Variants in FBXO38 observed in about 807,000 individuals in gnomAD.
FBXO38 encodes F-box protein 38.
In FBXO38, 53 loss-of-function variants were observed where a neutral mutation model predicts 131.9. The observed-to-expected ratio is 0.40, with a 90% CI of 0.32 to 0.51. FBXO38 has a LOEUF of 0.51. Among genes scored for constraint, FBXO38 ranks in the 20% least tolerant of loss-of-function variants. The probability of loss-of-function intolerance (pLI) is 0.53; values close to 1 mark genes in which losing one functional copy is unlikely to be tolerated. For synonymous variants in FBXO38, 452 were observed against 505.6 expected (o/e 0.89, Z 1.42); for missense variants, 1,076 against 1,475.6 (o/e 0.73, Z 4.44).
intron 15 of FBXO38, among the ~76,000 whole-genome samples, chr5:148,431,250 C>T (rs1160964461): frequency 1.3e-5 from 2 of 152,268 alleles, no homozygotes; most frequent in Non-Finnish European, 2.9e-5. Context: ...AAAAAATGTT[C>T]CTAAACAAAA....
chr5:148,438,483 A>G lies in FBXO38; in HGVS notation c.3009A>G (p.Leu1003=), dbSNP rs766100642. 4 of 1,613,048 alleles carry G rather than the reference A, an allele frequency of 2.5e-6. No homozygotes were observed. The highest frequency in any genetic ancestry group is 1.7e-5 in the Admixed American group (1 of 59,772). The change falls in exon 18 of 22, where the codon CTA becomes CTG. Residue 1003 remains leucine, a synonymous_variant. Coordinates refer to ENST00000340253, the MANE Select transcript of FBXO38 (RefSeq NM_205836.3). The part of the protein sequence containing the change: ...MPPERNRIIY[L]RPMQQVDTLT... The stretch of plus-strand genomic sequence containing the variant: ...CCGAGAGAAACCGCATCATATACCT[A>G]CGCCCAATGCAGCAGGTAACGAGCT...
At chr5:148,394,661 G>A in intron 1 of FBXO38, 53 bp from the exon 2 acceptor site, 7 of 893,098 alleles carry the variant, frequency 7.8e-6, no homozygotes, top group Non-Finnish European at 1.1e-5. Flanking sequence ...TTTAACCTGG[G>A]TTTTAGTAGG....
intron 8 of FBXO38, chr5:148,410,353 G>A: frequency 2.4e-6 from 1 of 417,642 alleles, no homozygotes; most frequent in Non-Finnish European, 4.3e-6. Context: ...AAATGGGAGT[G>A]TCCCTGCACA....
chr5:148,417,533 G>T (rs1422126326), intron 12 of FBXO38, among the ~76,000 whole-genome samples: 1 of 152,064 alleles, frequency 6.6e-6, no homozygotes, highest in African/African-American at 2.4e-5. Context: ...TTGTCTCCTA[G>T]ACCAATGGAT....
At chr5:148,405,790 T>C (rs751782687) in intron 6 of FBXO38, among the ~76,000 whole-genome samples, 1 of 152,246 alleles carries the variant, frequency 6.6e-6, no homozygotes, top group Non-Finnish European at 1.5e-5. Context: ...TTACACTTGA[T>C]GCAGTCTGCC....
At chr5:148,407,646 C>T (rs1399218879) in intron 7 of FBXO38, among the ~76,000 whole-genome samples, 1 of 151,790 alleles carries the variant, frequency 6.6e-6, no homozygotes, top group African/African-American at 2.4e-5. Flanking sequence ...AAAAACCGGC[C>T]GGGCGCAGTG....
At chr5:148,422,650 A>G (rs1753506257) in intron 12 of FBXO38, among the ~76,000 whole-genome samples, 1 of 152,230 alleles carries the variant, frequency 6.6e-6, no homozygotes, top group Non-Finnish European at 1.5e-5. Flanking sequence ...AAGTATTCAA[A>G]TGAATGCAAT....
At chr5:148,409,336 C>A in intron 8 of FBXO38, 119 bp downstream of exon 8, 1 of 694,290 alleles carries the variant, frequency 1.4e-6, no homozygotes. Context: ...AAGCCTTGTT[C>A]AAATTTAAAA....
chr5:148,388,590 G>A (rs1361922946), intron 1 of FBXO38, among the ~76,000 whole-genome samples: 1 of 152,212 alleles, frequency 6.6e-6, no homozygotes, highest in African/African-American at 2.4e-5. Context: ...CCGCTATGGA[G>A]ACAACGTCTT....
intron 7 of FBXO38, 124 bp downstream of exon 7, chr5:148,406,518 G>T (rs1561523282): frequency 4.1e-6 from 3 of 737,058 alleles, no homozygotes; most frequent in East Asian, 6.0e-5. Flanking sequence ...TGCTTTCTTT[G>T]TTGTATTTGA....
intron 3 of FBXO38, among the ~76,000 whole-genome samples, chr5:148,401,599 G>A (rs1752154414): frequency 6.6e-6 from 1 of 152,116 alleles, no homozygotes; most frequent in East Asian, 1.9e-4. Flanking sequence ...AGGTTTTACA[G>A]ACGAGAGTAC....
chr5:148,409,091 G>C (rs1316813917), intron 7 of FBXO38, 33 bp from the exon 8 acceptor site: 1 of 1,236,190 alleles, frequency 8.1e-7, no homozygotes, highest in Non-Finnish European at 1.2e-6. Flanking sequence ...AAAATGCTAT[G>C]GTCAAACACT....
chr5:148,405,803 C>G (rs1276071750), intron 6 of FBXO38, among the ~76,000 whole-genome samples: 1 of 152,174 alleles, frequency 6.6e-6, no homozygotes, highest in African/African-American at 2.4e-5. Flanking sequence ...AGTCTGCCTT[C>G]TTATCCTTCT....
intron 12 of FBXO38, among the ~76,000 whole-genome samples, chr5:148,418,521 C>T (rs768282649): frequency 6.6e-6 from 1 of 152,148 alleles, no homozygotes; most frequent in African/African-American, 2.4e-5. Flanking sequence ...CCCAACCAGT[C>T]TCCCTTAAAA....
At chr5:148,385,318 AT>A (rs1443546565) in intron 1 of FBXO38, among the ~76,000 whole-genome samples, 1 of 152,188 alleles carries the variant, frequency 6.6e-6, no homozygotes, top group Non-Finnish European at 1.5e-5. Context: ...CACACTTTAT[AT>A]TTAGTCAAAC....
chr5:148,408,993 G>A, intron 7 of FBXO38, 131 bp from the exon 8 acceptor site: 1 of 555,154 alleles, frequency 1.8e-6, no homozygotes. Context: ...TAATTTCAAT[G>A]CAAAAACAAA....
In FBXO38 at chr5:148,442,211, T is replaced by G; in HGVS notation, c.*64T>G. The G allele has an allele frequency of 6.6e-7, 1 of 1,518,994 alleles. No homozygotes were observed. The highest frequency in any genetic ancestry group is 9.1e-7 in the Non-Finnish European group (1 of 1,104,468). 94.1% of individuals were successfully genotyped at this position (1,518,994 alleles called of 1,614,324 possible). A position where few individuals can be genotyped will look rare whatever the true frequency, so the allele number is the denominator to read the frequency against. ...AAGTAGGGCCATCCAGCTGCCAGAG[T>G]GCTCCACAGGGACTTGAGGCATGCA... On this transcript the variant is annotated 3_prime_UTR_variant, in exon 22 of 22. Transcript: ENST00000340253.
At chr5:148,394,619 C>G (rs1758379976) in intron 1 of FBXO38, 95 bp from the exon 2 acceptor site, 1 of 453,760 alleles carries the variant, frequency 2.2e-6, no homozygotes, top group Non-Finnish European at 3.8e-6. Flanking sequence ...ATTATGATAC[C>G]TCTGCTTGTG....
intron 17 of FBXO38, among the ~76,000 whole-genome samples, chr5:148,435,990 G>T (rs2113656230): frequency 6.6e-6 from 1 of 152,282 alleles, no homozygotes; most frequent in East Asian, 1.9e-4. Flanking sequence ...GGTGCAGTTT[G>T]TGGCACCCCA....
Sources: gnomAD v4.1 joint callset for allele counts (sites outside exome capture counted in the v4.1 genomes callset) on GRCh38, gnomAD v4.1.1 for gene constraint, MANE v1.5 for transcripts, NCBI Gene and HGNC (gene_info 2026-07-23, HGNC 2026-07-21) for gene names.